TIMP2: variants seen among roughly 807,000 people sequenced by gnomAD.
TIMP2 encodes TIMP metallopeptidase inhibitor 2, also known as metalloproteinase inhibitor 2.
A neutral mutation model predicts 24.3 loss-of-function variants in TIMP2; 5 were observed. That is an observed-to-expected ratio of 0.21 (90% CI 0.11 to 0.43). The LOEUF is 0.43. Ranked by LOEUF, TIMP2 falls within the 20% of genes least tolerant of loss-of-function variation. TIMP2 has a pLI of 1.00. For synonymous variants in TIMP2, 130 were observed against 123.2 expected, an observed-to-expected ratio of 1.06 and a Z score of -0.37; for missense variants, 221 against 297.5, an observed-to-expected ratio of 0.74 and a Z score of 1.89.
intron 3 of TIMP2, among the ~76,000 whole-genome samples, chr17:78,867,328 A>T (rs979334920): frequency 1.3e-5 from 2 of 152,184 alleles, no homozygotes; most frequent in Non-Finnish European, 2.9e-5. Flanking sequence ...AAGGGGGGGA[A>T]GTCTCCTATT....
At chr17:78,921,790 C>G (rs1035921242) in intron 1 of TIMP2, among the ~76,000 whole-genome samples, 1 of 152,226 alleles carries the variant, frequency 6.6e-6, no homozygotes, top group Non-Finnish European at 1.5e-5. Context: ...AACATCACCA[C>G]CTCATCATGA....
At chr17:78,870,857 T>G in intron 3 of TIMP2, 41 bp downstream of exon 3, 1 of 1,577,314 alleles carries the variant, frequency 6.3e-7, no homozygotes, top group South Asian at 1.1e-5. Context: ...ACAGCCCCAC[T>G]TCTGTGCCAG....
chr17:78,880,411 G>A (rs143838715), intron 1 of TIMP2, among the ~76,000 whole-genome samples: 128 of 152,300 alleles, frequency 8.4e-4, no homozygotes, highest in African/African-American at 2.9e-3. Context: ...CGAAAGGCCG[G>A]GTGCAGTGGC....
At chr17:78,914,225 A>G (rs1032410069) in intron 1 of TIMP2, among the ~76,000 whole-genome samples, 7 of 152,020 alleles carry the variant, frequency 4.6e-5, no homozygotes, top group African/African-American at 7.2e-5. Flanking sequence ...TGAGAACATT[A>G]TTGGCATTCA....
chr17:78,876,470 C>T (rs2069729088), intron 1 of TIMP2, among the ~76,000 whole-genome samples: 1 of 152,118 alleles, frequency 6.6e-6, no homozygotes, highest in South Asian at 2.1e-4. Flanking sequence ...GCCTTAGCTT[C>T]CCAGGTAGCT....
At chr17:78,889,750 C>T (rs553199653) in intron 1 of TIMP2, among the ~76,000 whole-genome samples, 99 of 152,302 alleles carry the variant, frequency 6.5e-4, no homozygotes, top group African/African-American at 2.3e-3. Flanking sequence ...AGCACATGGG[C>T]TAGACACACC....
intron 1 of TIMP2, chr17:78,892,175 A>G: frequency 6.4e-7 from 1 of 1,550,944 alleles, no homozygotes; most frequent in Non-Finnish European, 8.7e-7. Context: ...CTCCTCAGCC[A>G]AGCGCTGGAG....
In TIMP2 at chr17:78,855,491, C is replaced by T. The variant is rs570207832; in HGVS notation, c.*176G>A. ...GATGAGGACCTTGGACCCACGTCTC[C>T]CTCCAGACCCACAACCATGTCTAAA... On this transcript the variant is annotated 3_prime_UTR_variant, in exon 5 of 5. Transcript: ENST00000262768. The surrounding 1 kb of genome is among the most constrained non-coding windows in gnomAD (Gnocchi z 6.0). The T allele has an allele frequency of 2.5e-4, 194 of 767,932 alleles. 1 individual carries two copies. The highest frequency in any genetic ancestry group is 1.9e-3 in the Middle Eastern group (5 of 2,572). The allele number at this position is 767,932 out of a possible 1,614,324, so 47.6% of individuals were successfully genotyped here.
chr17:78,903,370 G>T, intron 1 of TIMP2: 1 of 152,470 alleles, frequency 6.6e-6, no homozygotes. Context: ...TGAAGGCACT[G>T]TTTAAGGAGG....
intron 1 of TIMP2, among the ~76,000 whole-genome samples, chr17:78,910,996 G>C (rs1226751220): frequency 6.6e-6 from 1 of 152,142 alleles, no homozygotes; most frequent in Non-Finnish European, 1.5e-5. Context: ...GGGACTGCTG[G>C]ATCATATGGC....
chr17:78,914,715 A>G, intron 1 of TIMP2, among the ~76,000 whole-genome samples: 1 of 152,004 alleles, frequency 6.6e-6, no homozygotes, highest in East Asian at 1.9e-4. Context: ...AGGTGGGACT[A>G]CAGGCACGTG....
intron 1 of TIMP2, among the ~76,000 whole-genome samples, chr17:78,880,969 C>T (rs1311267361): frequency 1.3e-5 from 2 of 152,230 alleles, no homozygotes; most frequent in Admixed American, 6.5e-5. Flanking sequence ...AACAGCATAG[C>T]GCCTGTCTCG....
chr17:78,858,097 A>G (rs1443750076), intron 3 of TIMP2, among the ~76,000 whole-genome samples: 1 of 151,790 alleles, frequency 6.6e-6, no homozygotes, highest in Admixed American at 6.6e-5. Flanking sequence ...GGAAAAAAAA[A>G]GAAAGCCATA....
At position 78,924,299 on chromosome 17, in the gene TIMP2, G is replaced by T. The variant is rs1252150330; in HGVS notation, c.130+660C>A. Among the ~76,000 whole-genome samples the T allele has an allele frequency of 2.6e-5, 4 of 152,216 alleles. No homozygotes were observed. Among genetic ancestry groups the T allele is most frequent in the African/African-American group, 9.6e-5 (4 of 41,466 alleles). Reference sequence around the variant, plus strand: ...CTTTTGTGGACGTCCCGAAAAAGCGGAACATTCGGGGGTCCCGGTCCCTGC... The same window carrying T: ...CTTTTGTGGACGTCCCGAAAAAGCGTAACATTCGGGGGTCCCGGTCCCTGC... On this transcript the variant is annotated intron_variant, in intron 1 of 4. Coordinates refer to ENST00000262768, the MANE Select transcript of TIMP2 (RefSeq NM_003255.5). This position sits in a 1 kb window ranked among gnomAD's most constrained non-coding sequence, Gnocchi z 5.3.
rs374979973 is a variant in TIMP2, at chr17:78,870,969, T to C, written c.269A>G (p.Tyr90Cys). 10 of 1,613,732 alleles carry C rather than the reference T, an allele frequency of 6.2e-6. No homozygotes were observed. The highest frequency in any genetic ancestry group is 1.3e-5 in the African/African-American group (1 of 74,914). Residue 90 changes from tyrosine to cysteine, a missense_variant, in exon 3 of 5, where the codon TAC (tyrosine) becomes TGC (cysteine). Physicochemically the swap from Tyr to Cys is radical, Grantham distance 194. Transcript: ENST00000262768. The stretch of plus-strand genomic sequence containing the variant: ...ACACACTGCCGAGGAGGGGGCCGTG[T>C]AGATAAACTCTATATCCTTCTCAGG... Reference protein sequence around the residue: ...KGPEKDIEFIYTAPSSAVCGV... With the variant: ...KGPEKDIEFICTAPSSAVCGV...
At position 78,853,957 on chromosome 17, in the gene TIMP2, G is replaced by C. The variant is rs2069504013; in HGVS notation, c.*1710C>G. The C allele has an allele frequency of 6.6e-6, 1 of 152,264 alleles. No individual in the cohort carries two copies. Among genetic ancestry groups the C allele is most frequent in the South Asian group, 2.1e-4 (1 of 4,832 alleles). 9.4% of individuals were successfully genotyped at this position (152,264 alleles called of 1,614,324 possible). Reference sequence around the variant, plus strand: ...CTTACCAACTTTAGGTCACTGTACAGCATGAAAACGCCCGTGGGGCAGGGG... The same window carrying C: ...CTTACCAACTTTAGGTCACTGTACACCATGAAAACGCCCGTGGGGCAGGGG... On this transcript the variant is annotated 3_prime_UTR_variant, in exon 5 of 5. Transcript: ENST00000262768.
chr17:78,892,002 C>A, intron 1 of TIMP2: 1 of 1,550,716 alleles, frequency 6.4e-7, no homozygotes. Context: ...CTATGCTTCT[C>A]CTTGGCCCTC....
intron 3 of TIMP2, among the ~76,000 whole-genome samples, chr17:78,863,169 C>T (rs543603006): frequency 1.3e-5 from 2 of 152,352 alleles, no homozygotes; most frequent in South Asian, 4.1e-4. Context: ...ACATTCCCAC[C>T]AACAGCGCAT....
At chr17:78,906,822 A>AT (rs543405717) in intron 1 of TIMP2, among the ~76,000 whole-genome samples, 10 of 152,200 alleles carry the variant, frequency 6.6e-5, no homozygotes, top group African/African-American at 2.4e-4. Flanking sequence ...ACCTCAGGTG[A>AT]TCCCCCCGCC....
Sources: gnomAD v4.1 joint callset for allele counts (sites outside exome capture counted in the v4.1 genomes callset) on GRCh38, gnomAD v4.1.1 for gene constraint, Gnocchi (gnomAD v3.1) non-coding constraint, MANE v1.5 for transcripts, NCBI Gene and HGNC (gene_info 2026-07-23, HGNC 2026-07-21) for gene names.